SH3TC1: variants seen among roughly 807,000 people sequenced by gnomAD.
SH3TC1 encodes SH3 domain and tetratricopeptide repeat-containing protein 1.
SH3TC1 carries 135 observed loss-of-function variants against 117.3 expected under a neutral mutation model. The observed-to-expected ratio is 1.15, with a 90% confidence interval of 1.00 to 1.33. The LOEUF is 1.33. SH3TC1 is among the 40% of genes most tolerant of loss of function. The pLI is 0.00. For missense variants in SH3TC1, 2,092 were observed against 1,794.3 expected, an observed-to-expected ratio of 1.17 and a Z score of -3.00; for synonymous variants, 898 against 816.9, an observed-to-expected ratio of 1.10 and a Z score of -1.69.
At chr4:8,222,697 T>C in intron 9 of SH3TC1, 143 bp from the exon 10 acceptor site, 1 of 870,344 alleles carries the variant, frequency 1.1e-6, no homozygotes, top group Non-Finnish European at 1.7e-6. Flanking sequence ...TGTTGTTGTT[T>C]TTAAATCTCT....
rs1222125670 is a variant in SH3TC1 at position 8,199,410 on chromosome 4, G to A, written c.-29+5G>A. On this transcript the variant is annotated splice_donor_5th_base_variant and intron_variant, in intron 1 of 17. Coordinates refer to ENST00000245105, the MANE Select transcript of SH3TC1 (RefSeq NM_018986.5). Reference sequence around the variant, plus strand: ...CCTCTGAGGAACACGCCGCAGGTATGGGGGGCTCCGGGGCAGGCGGGGCGT... The same window carrying A: ...CCTCTGAGGAACACGCCGCAGGTATAGGGGGCTCCGGGGCAGGCGGGGCGT... The A allele has an allele frequency of 2.0e-5, 3 of 152,386 alleles. No homozygotes were observed. The highest frequency in any genetic ancestry group is 7.2e-5 in the African/African-American group (3 of 41,470). 9.4% of individuals were successfully genotyped at this position (152,386 alleles called of 1,614,324 possible).
chr4:8,232,014 A>G lies in SH3TC1; in HGVS notation c.2989A>G (p.Ser997Gly), dbSNP rs1351574466. The change falls in exon 13 of 18, where the codon AGC becomes GGC. Residue 997 changes from serine to glycine, a missense_variant. Physicochemically the swap from Ser to Gly is moderately conservative, Grantham distance 56 (BLOSUM62 0). Coordinates refer to ENST00000245105, the MANE Select transcript of SH3TC1 (RefSeq NM_018986.5). The part of the protein sequence containing the change: ...RAVQRLCHFY[S>G]AVMPSEAQCV... ...CGTCCAGCGGCTGTGCCACTTCTAC[A>G]GCGCCGTCATGCCCAGCGAGGCCCA... The G allele has an allele frequency of 1.2e-6, 2 of 1,612,560 alleles. No homozygotes were observed.
intron 13 of SH3TC1, 36 bp downstream of exon 13, chr4:8,232,192 AGGGGGCAAAGGGGGCGGCGGGGCG>A (rs755476624): frequency 4.7e-5 from 2 of 42,342 alleles, no homozygotes; most frequent in Non-Finnish European, 8.1e-5. Flanking sequence ...GGGCGGGGGG[AGGGGGCAAAGGGGGCGGCGGGGCG>A]GGGGCACAGG....
chr4:8,237,302 C>A (rs1721905858), intron 16 of SH3TC1, 172 bp from the exon 17 acceptor site: 1 of 559,170 alleles, frequency 1.8e-6, no homozygotes, highest in Non-Finnish European at 3.0e-6. Flanking sequence ...TGGGGGCAGG[C>A]CTTATTAGTT....
intron 3 of SH3TC1, among the ~76,000 whole-genome samples, chr4:8,211,535 A>T (rs1201872323): frequency 1.3e-5 from 1 of 79,866 alleles, no homozygotes; most frequent in Admixed American, 1.7e-4. Flanking sequence ...TCTACTCCTC[A>T]TTCTCTTCCC....
rs202079702 is a variant in SH3TC1 at position 8,222,980 on chromosome 4, G to C, written c.1243+10G>C. 9 of 1,604,818 alleles carry C rather than the reference G, an allele frequency of 5.6e-6. No homozygotes were observed. The highest frequency in any genetic ancestry group is 3.3e-5 in the Admixed American group (2 of 59,900). ...AGCGTGTACAGCCTGGGTGCGTGTG[G>C]GCGATGCCTGTGGTGGGGCCACTGC... is the stretch of plus-strand genomic sequence containing the variant. On this transcript the variant is annotated intron_variant, in intron 10 of 17. Coordinates refer to ENST00000245105, the MANE Select transcript of SH3TC1 (RefSeq NM_018986.5).
Position 8,232,112 on chromosome 4 carries a change from C to T in SH3TC1, c.3087C>T (p.Leu1029=), listed in dbSNP as rs149581650. ...KVADKVLEGQ[L]LETISQLYLS... ...CCGACAAGGTGCTGGAGGGGCAGCT[C>T]CTGGAGACCATCAGCCAGCTCTACC... The change falls in exon 13 of 18, where the codon CTC becomes CTT. Residue 1029 remains leucine (L), a synonymous_variant. Transcript: ENST00000245105. 1.1e-5 allele frequency: 17 copies of T among 1,611,604 alleles called. No individual in the cohort carries two copies. The African/African-American group carries it at 2.0e-4, about 19-fold the overall frequency.
At chr4:8,213,812 G>A (rs1200862123) in intron 4 of SH3TC1, among the ~76,000 whole-genome samples, 1 of 151,544 alleles carries the variant, frequency 6.6e-6, no homozygotes, top group Admixed American at 6.6e-5. Context: ...TCTGAGCCCA[G>A]GAGGTTGAGG....
chr4:8,221,801 T>G (rs756763013), intron 9 of SH3TC1, among the ~76,000 whole-genome samples: 17 of 152,252 alleles, frequency 1.1e-4, no homozygotes, highest in Non-Finnish European at 1.9e-4. Flanking sequence ...ATGGCCTTTG[T>G]AGACAATGAC....
Position 8,237,664 on chromosome 4 carries a change from C to G in SH3TC1, c.3747C>G (p.Asp1249Glu), listed in dbSNP as rs765557708. ...TGCTCGGTGACATCATCTTCTACGA[C>G]CTGAAGGTGGGTGGGGAGGGGCTGG... ...YLVLGDIIFY[D>E]LKDPFDAAGY... The change falls in exon 17 of 18, where the codon GAC (aspartate) becomes GAG (glutamate). Residue 1249 changes from aspartate (D) to glutamate (E), a missense_variant. Asp to Glu is a conservative substitution (Grantham distance 45, BLOSUM62 2). Transcript: ENST00000245105. The G allele has an allele frequency of 1.2e-6, 2 of 1,600,242 alleles. No homozygotes were observed. The highest frequency in any genetic ancestry group is 2.7e-5 in the African/African-American group (2 of 74,680).
Position 8,233,524 on chromosome 4 carries a change from A to G in SH3TC1, c.3282+11A>G, listed in dbSNP as rs1381026147. 4 of 1,599,670 alleles carry G rather than the reference A, an allele frequency of 2.5e-6. No individual in the cohort carries two copies. Among genetic ancestry groups the G allele is most frequent in the Non-Finnish European group, 3.4e-6 (4 of 1,173,030 alleles). ...GACCTCTACATCCAGGTGAGTGATG[A>G]GGGATGCAGGAGGGCCTCTGCACAT... On this transcript the variant is annotated intron_variant, in intron 14 of 17. Coordinates refer to ENST00000245105, the MANE Select transcript of SH3TC1 (RefSeq NM_018986.5).
chr4:8,198,920 T>A (rs980902174), upstream of SH3TC1, among the ~76,000 whole-genome samples: 1 of 152,180 alleles, frequency 6.6e-6, no homozygotes, highest in African/African-American at 2.4e-5. Context: ...TGTGTGTGCA[T>A]GCATGTATGT....
intron 3 of SH3TC1, 75 bp from the exon 4 acceptor site, chr4:8,212,626 C>A: frequency 1.9e-6 from 3 of 1,593,862 alleles, no homozygotes; most frequent in Non-Finnish European, 1.7e-6. Context: ...TGGAGGCTGG[C>A]AGGTGGAGTA....
At chr4:8,218,102 A>C in intron 7 of SH3TC1, 169 bp from the exon 8 acceptor site, 1 of 489,124 alleles carries the variant, frequency 2.0e-6, no homozygotes, top group East Asian at 3.2e-5. Flanking sequence ...TGAAGGCCAC[A>C]CACCTGGGCA....
chr4:8,197,227 T>C (rs1280771712), upstream of SH3TC1, among the ~76,000 whole-genome samples: 1 of 152,108 alleles, frequency 6.6e-6, no homozygotes. Flanking sequence ...CCCCAGAGGC[T>C]GGAGCAGGCA....
chr4:8,214,609 C>A lies in SH3TC1; in HGVS notation c.481+29C>A. 4 of 1,578,642 alleles carry A rather than the reference C, an allele frequency of 2.5e-6. No homozygotes were observed. In the South Asian group the frequency reaches 4.4e-5, roughly 17 times the overall value. Reference sequence around the variant, plus strand: ...AAGAGGTGACCCTCCCAGAATTGGTCATGGGGACGCCCGTCGGAAGGTGCT... The same window carrying A: ...AAGAGGTGACCCTCCCAGAATTGGTAATGGGGACGCCCGTCGGAAGGTGCT... On this transcript the variant is annotated intron_variant, in intron 5 of 17. Coordinates refer to ENST00000245105, the MANE Select transcript of SH3TC1 (RefSeq NM_018986.5).
Position 8,205,430 on chromosome 4 carries a change from C to A in SH3TC1, c.172+64C>A. On this transcript the variant is annotated intron_variant, in intron 2 of 17. Transcript: ENST00000245105. This position sits in a 1 kb window ranked among gnomAD's most constrained non-coding sequence, Gnocchi z 5.4. ...ACCCACTTCTCCACCCCACCCGCCC[C>A]GTCCATCCATCCCTCACCACCCTGC... is the stretch of plus-strand genomic sequence containing the variant. 1.9e-6 allele frequency: 3 copies of A among 1,542,546 alleles called. No homozygotes were observed. The highest frequency in any genetic ancestry group is 1.4e-5 in the African/African-American group (1 of 73,438).
rs1717452164 is a variant in SH3TC1, at chr4:8,192,638, CG to C, written c.-57+10429del. 6.6e-6 allele frequency among the ~76,000 whole-genome samples: 1 copy of C among 152,082 alleles called. No homozygotes were observed. Among genetic ancestry groups the C allele is most frequent in the African/African-American group, 2.4e-5 (1 of 41,416 alleles). On this transcript the variant is annotated intron_variant, in intron 1 of 16. Transcript: ENST00000508641. The surrounding 1 kb of genome is among the most constrained non-coding windows in gnomAD (Gnocchi z 4.1). ...CCTCCTGAGTAGCTGGGATCACAGG[CG>C]TGTGCCACAACGCCCAGCTAATTTT...
At chr4:8,188,845 G>C (rs1578633738) in intron 1 of SH3TC1, among the ~76,000 whole-genome samples, 1 of 152,246 alleles carries the variant, frequency 6.6e-6, no homozygotes, top group African/African-American at 2.4e-5. Flanking sequence ...CCTGCACTGG[G>C]TACCCGTCAC....
Sources: allele counts gnomAD v4.1 joint callset (sites outside exome capture counted in the v4.1 genomes callset), GRCh38; gene constraint gnomAD v4.1.1; non-coding constraint Gnocchi (gnomAD v3.1); transcripts MANE v1.5; gene names NCBI Gene and HGNC (gene_info 2026-07-23, HGNC 2026-07-21).